The following SNTG1 variants were observed in gnomAD, a reference collection of about 807,000 sequenced individuals.
SNTG1 encodes syntrophin gamma 1, also known as gamma-1-syntrophin.
Under a neutral mutation model 74.7 loss-of-function variants are expected in SNTG1, and 39 were observed. The ratio of observed to expected loss-of-function variants is 0.52; its 90% CI spans 0.40 to 0.68. The LOEUF is 0.68. Among genes scored for constraint, SNTG1 ranks in the 30% least tolerant of loss-of-function variants. The pLI, the probability that SNTG1 is intolerant of heterozygous loss-of-function variation, is 0.00. For synonymous variants in SNTG1, 254 were observed against 217.1 expected, an observed-to-expected ratio of 1.17 and a Z score of -1.49; for missense variants, 685 against 609.5, an observed-to-expected ratio of 1.12 and a Z score of -1.30.
At chr8:50,617,956 A>G (rs1168606728) in intron 13 of SNTG1, among the ~76,000 whole-genome samples, 1 of 152,164 alleles carries the variant, frequency 6.6e-6, no homozygotes, top group African/African-American at 2.4e-5. Flanking sequence ...GGAGGCAGAA[A>G]TTGGGCATAA....
chr8:50,522,415 T>A (rs1020075485), intron 9 of SNTG1, among the ~76,000 whole-genome samples: 1 of 152,074 alleles, frequency 6.6e-6, no homozygotes, highest in Non-Finnish European at 1.5e-5. Flanking sequence ...GTTGTTCCAT[T>A]TCTAGAGCAC....
chr8:50,641,697 G>A (rs570995237), intron 13 of SNTG1, among the ~76,000 whole-genome samples: 1 of 152,156 alleles, frequency 6.6e-6, no homozygotes, highest in East Asian at 1.9e-4. Context: ...GTCAATTATC[G>A]GTCCTCGTGA....
chr8:50,769,064 AT>A (rs769478619), intron 18 of SNTG1, among the ~76,000 whole-genome samples: 2 of 151,556 alleles, frequency 1.3e-5, no homozygotes, highest in African/African-American at 4.8e-5. Context: ...TCATTGATAT[AT>A]TTTTTCTCCT....
intron 2 of SNTG1, among the ~76,000 whole-genome samples, chr8:50,389,424 C>A (rs534759207): frequency 3.3e-4 from 50 of 152,294 alleles, no homozygotes; most frequent in Middle Eastern, 6.8e-3. Flanking sequence ...AATGAACAAT[C>A]TATTTCCTTT....
intron 1 of SNTG1, among the ~76,000 whole-genome samples, chr8:50,102,268 A>G (rs1395021396): frequency 3.5e-4 from 53 of 150,340 alleles, no homozygotes; most frequent in South Asian, 4.2e-4. Flanking sequence ...GTGTGAGATG[A>G]TATCTCATTG....
At chr8:50,558,158 A>G (rs1237590318) in intron 12 of SNTG1, among the ~76,000 whole-genome samples, 1 of 152,116 alleles carries the variant, frequency 6.6e-6, no homozygotes, top group African/African-American at 2.4e-5. Flanking sequence ...TGCCACAAAA[A>G]CTAATTTTTC....
intron 3 of SNTG1, among the ~76,000 whole-genome samples, chr8:50,399,246 T>TA (rs5891364): frequency 0.66 from 99,788 of 151,720 alleles, 32,983 homozygotes; most frequent in East Asian, 0.84. Flanking sequence ...TGATTTATTC[T>TA]AAAAAAAATC....
chr8:50,106,286 C>G (rs936330819), intron 1 of SNTG1, among the ~76,000 whole-genome samples: 7 of 152,016 alleles, frequency 4.6e-5, no homozygotes, highest in Non-Finnish European at 7.4e-5. Flanking sequence ...TTTAAATAAT[C>G]AGATCTCATG....
At chr8:50,331,020 A>C (rs1056055456) in intron 2 of SNTG1, among the ~76,000 whole-genome samples, 3 of 152,176 alleles carry the variant, frequency 2.0e-5, no homozygotes. Context: ...TTGCTTCTCT[A>C]CAGGTAATAT....
At chr8:49,969,437 C>T (rs976819329) in intron 1 of SNTG1, among the ~76,000 whole-genome samples, 1 of 140,210 alleles carries the variant, frequency 7.1e-6, no homozygotes, top group Non-Finnish European at 1.5e-5. Context: ...CTCTCTGTCG[C>T]CCAGGCAGGA....
At chr8:50,734,785 C>G (rs1289082803) in intron 17 of SNTG1, among the ~76,000 whole-genome samples, 1 of 94,960 alleles carries the variant, frequency 1.1e-5, no homozygotes, top group South Asian at 3.5e-4. Context: ...ATATAGATAT[C>G]TATATATATG....
intron 1 of SNTG1, among the ~76,000 whole-genome samples, chr8:49,997,287 C>T (rs962348261): frequency 5.9e-5 from 9 of 152,144 alleles, no homozygotes; most frequent in African/African-American, 1.9e-4. Context: ...AAGAGCATCG[C>T]TTTCCATAAA....
chr8:50,126,591 A>G (rs1478969689), intron 1 of SNTG1, among the ~76,000 whole-genome samples: 8 of 151,964 alleles, frequency 5.3e-5, no homozygotes, highest in Non-Finnish European at 1.2e-4. Context: ...GCATATATAC[A>G]TTTACATATG....
In SNTG1 at chr8:50,095,976, C is replaced by T. The variant is rs1288028515; in HGVS notation, c.-102-76585C>T. On this transcript the variant is annotated intron_variant, in intron 1 of 18. Coordinates refer to ENST00000642720, the MANE Select transcript of SNTG1 (RefSeq NM_018967.5). ...AAATTATTATCTTAATTATTATTAC[C>T]TGAATCTAAAAAAAAAATTCCATGA... Among the ~76,000 whole-genome samples the T allele has an allele frequency of 4.7e-5, 7 of 150,286 alleles. 1 individual carries two copies. Among genetic ancestry groups the T allele is most frequent in the Admixed American group, 1.3e-4 (2 of 15,046 alleles).
At chr8:50,337,194 C>T (rs987454004) in intron 2 of SNTG1, among the ~76,000 whole-genome samples, 4 of 152,230 alleles carry the variant, frequency 2.6e-5, no homozygotes, top group African/African-American at 9.6e-5. Context: ...ATAGTGACAA[C>T]TCTTCTTCTA....
intron 9 of SNTG1, among the ~76,000 whole-genome samples, chr8:50,526,830 G>A (rs948338094): frequency 1.3e-5 from 2 of 151,878 alleles, no homozygotes; most frequent in African/African-American, 2.4e-5. Flanking sequence ...CACCATGTTG[G>A]CCAGGATGGT....
chr8:50,323,836 C>A (rs2090625739), intron 2 of SNTG1, among the ~76,000 whole-genome samples: 2 of 125,780 alleles, frequency 1.6e-5, no homozygotes, highest in African/African-American at 4.9e-5. Flanking sequence ...TATCTGGGAG[C>A]CAGGGATTGG....
intron 13 of SNTG1, among the ~76,000 whole-genome samples, chr8:50,616,833 T>TTCTGCATATCAC (rs1456075635): frequency 6.6e-6 from 1 of 152,206 alleles, no homozygotes; most frequent in Non-Finnish European, 1.5e-5. Context: ...ATACCCTGCC[T>TTCTGCATATCAC]TCTGCATATC....
intron 2 of SNTG1, among the ~76,000 whole-genome samples, chr8:50,343,686 A>C (rs1171982910): frequency 6.6e-6 from 1 of 152,238 alleles, no homozygotes; most frequent in Non-Finnish European, 1.5e-5. Context: ...CAGAAATTAC[A>C]TTAATCATTG....
Sources: gnomAD v4.1 joint callset for allele counts (sites outside exome capture counted in the v4.1 genomes callset) on GRCh38, gnomAD v4.1.1 for gene constraint, MANE v1.5 for transcripts, NCBI Gene and HGNC (gene_info 2026-07-23, HGNC 2026-07-21) for gene names.